The following GOLM1 variants were observed in gnomAD, a reference collection of about 807,000 sequenced individuals.
The protein encoded by GOLM1 is epididymis luminal protein 46.
In GOLM1, 31 loss-of-function variants were observed where a neutral mutation model predicts 50.5. That is an observed-to-expected ratio of 0.61 (90% CI 0.46 to 0.83). The LOEUF (loss-of-function observed/expected upper bound fraction) is 0.83. GOLM1 is among the 40% of genes least tolerant of loss of function. GOLM1 has a pLI of 0.00. For synonymous variants in GOLM1, 178 were observed against 192.8 expected (o/e 0.92, Z 0.64); for missense variants, 491 against 501.3 (o/e 0.98, Z 0.20).
chr9:86,062,048 G>C (rs1220450956), intron 3 of GOLM1, among the ~76,000 whole-genome samples: 1 of 151,800 alleles, frequency 6.6e-6, no homozygotes, highest in Non-Finnish European at 1.5e-5. Flanking sequence ...ATCTATCCAG[G>C]AAAACACGTA....
At chr9:86,049,571 T>C (rs1402611342) in intron 4 of GOLM1, among the ~76,000 whole-genome samples, 3 of 152,332 alleles carry the variant, frequency 2.0e-5, no homozygotes, top group Middle Eastern at 3.4e-3. Context: ...TAGTTCTCCT[T>C]GAAGAGGTCC....
Position 86,077,517 on chromosome 9 carries a change from G to A in GOLM1, c.204C>T (p.Asn68=), listed in dbSNP as rs1310395553. 6.8e-6 allele frequency: 11 copies of A among 1,613,080 alleles called. No individual in the cohort carries two copies. The highest frequency in any genetic ancestry group is 3.3e-5 in the Admixed American group (2 of 59,990). ...AERGAVELKK[N]EFQGELEKQR... ...GCTTCTCCAGCTCTCCCTGGAACTC[G>A]TTCTTCTTCAGCTCCACGGCGCCTC... The change falls in exon 3 of 10, where the codon AAC becomes AAT. Residue 68 remains asparagine, a synonymous_variant. Transcript: ENST00000388712.
chr9:86,033,857 T>C (rs1833055238), intron 8 of GOLM1, among the ~76,000 whole-genome samples: 1 of 152,076 alleles, frequency 6.6e-6, no homozygotes, highest in South Asian at 2.1e-4. Context: ...TATTCTTCCC[T>C]GGAGTGGGCA....
At chr9:86,048,641 T>C (rs1408727151) in intron 4 of GOLM1, among the ~76,000 whole-genome samples, 1 of 152,254 alleles carries the variant, frequency 6.6e-6, no homozygotes, top group African/African-American at 2.4e-5. Flanking sequence ...ATGAGCATTT[T>C]TTCATGTGTC....
At chr9:86,046,777 A>G (rs1833559480) in intron 4 of GOLM1, among the ~76,000 whole-genome samples, 1 of 152,230 alleles carries the variant, frequency 6.6e-6, no homozygotes, top group Admixed American at 6.5e-5. Flanking sequence ...CTGCAAGAGC[A>G]GCAAGCCGAA....
chr9:86,026,532 C>T lies in GOLM1; in HGVS notation c.*1285G>A. 2.2e-6 allele frequency: 2 copies of T among 893,478 alleles called. No individual in the cohort carries two copies. Among genetic ancestry groups the T allele is most frequent in the Non-Finnish European group, 2.7e-6 (2 of 746,046 alleles). The allele number at this position is 893,478 out of a possible 1,614,324, so 55.3% of individuals were successfully genotyped here. A position where few individuals can be genotyped will look rare whatever the true frequency, so the allele number is the denominator to read the frequency against. On this transcript the variant is annotated 3_prime_UTR_variant, in exon 10 of 10. Coordinates refer to ENST00000388712, the MANE Select transcript of GOLM1 (RefSeq NM_016548.4). ...TGTAACTTCTAGGCCCCATTTTCCC[C>T]TCTGAAAATAAGAGGGTTGGATCAA...
At chr9:86,088,681 G>C (rs548409855) in intron 1 of GOLM1, among the ~76,000 whole-genome samples, 1 of 149,684 alleles carries the variant, frequency 6.7e-6, no homozygotes, top group African/African-American at 2.5e-5. Flanking sequence ...TGGGTCTCCT[G>C]AATACAGCAT....
intron 3 of GOLM1, among the ~76,000 whole-genome samples, chr9:86,063,291 T>C (rs1834213654): frequency 6.6e-6 from 1 of 152,234 alleles, no homozygotes; most frequent in South Asian, 2.1e-4. Context: ...GGCCTGGGGC[T>C]GCAGACTCCC....
At chr9:86,056,862 G>A (rs574098237) in intron 3 of GOLM1, among the ~76,000 whole-genome samples, 156 of 152,142 alleles carry the variant, frequency 1.0e-3, no homozygotes, top group South Asian at 1.2e-3. Flanking sequence ...GTGCAGTGGC[G>A]CTATCATAGC....
At chr9:86,053,613 A>T (rs1587712486) in intron 3 of GOLM1, among the ~76,000 whole-genome samples, 9 of 8,270 alleles carry the variant, frequency 1.1e-3, no homozygotes, top group Admixed American at 3.1e-3. Flanking sequence ...CACATCACAC[A>T]CCACACCAAA....
At chr9:86,033,824 G>C (rs969504184) in intron 8 of GOLM1, among the ~76,000 whole-genome samples, 4 of 152,170 alleles carry the variant, frequency 2.6e-5, no homozygotes, top group South Asian at 2.1e-4. Flanking sequence ...CTCATACTTA[G>C]AGCATGAGAG....
intron 3 of GOLM1, among the ~76,000 whole-genome samples, chr9:86,059,603 A>G (rs1004608114): frequency 1.3e-5 from 2 of 152,130 alleles, no homozygotes; most frequent in African/African-American, 4.8e-5. Flanking sequence ...TGGGGTGATA[A>G]AAATGTTCTG....
chr9:86,079,593 C>T (rs1834727757), intron 1 of GOLM1: 3 of 336,524 alleles, frequency 8.9e-6, no homozygotes, highest in African/African-American at 2.1e-5. Context: ...CGCCCCGAAA[C>T]CTGCCACAGA....
chr9:86,039,762 G>A (rs191279439), intron 6 of GOLM1, among the ~76,000 whole-genome samples: 99 of 152,188 alleles, frequency 6.5e-4, no homozygotes, highest in Non-Finnish European at 7.6e-4. Context: ...GAGGTCAGCC[G>A]TTCAAGACCA....
intron 4 of GOLM1, among the ~76,000 whole-genome samples, chr9:86,048,663 T>C (rs141424065): frequency 0.013 from 2,011 of 152,348 alleles, 40 homozygotes; most frequent in African/African-American, 0.045. Context: ...GTTGGCTGCA[T>C]AAACATCTTC....
intron 8 of GOLM1, 57 bp downstream of exon 8, chr9:86,035,311 T>C: frequency 6.3e-7 from 1 of 1,584,666 alleles, no homozygotes. Flanking sequence ...GACATGGAGG[T>C]GGGCTGGGTG....
At chr9:86,046,435 C>T (rs1406775417) in intron 5 of GOLM1, 35 bp downstream of exon 5, 1 of 1,276,834 alleles carries the variant, frequency 7.8e-7, no homozygotes, top group South Asian at 1.2e-5. Context: ...TGCCGTGCAC[C>T]CTGCACTGTG....
chr9:86,053,282 ACCAT>A (rs1833835159), intron 3 of GOLM1, among the ~76,000 whole-genome samples: 1 of 132,516 alleles, frequency 7.5e-6, no homozygotes, highest in Non-Finnish European at 1.6e-5. Context: ...CACACCACAC[ACCAT>A]TCCACACCAC....
chr9:86,039,074 TAG>T (rs1010624931), intron 6 of GOLM1, among the ~76,000 whole-genome samples: 3 of 152,156 alleles, frequency 2.0e-5, no homozygotes, highest in Admixed American at 6.6e-5. Context: ...TTTAATAAAA[TAG>T]ATTTTAAAAA....
Sources: gnomAD v4.1 joint callset for allele counts (sites outside exome capture counted in the v4.1 genomes callset) on GRCh38, gnomAD v4.1.1 for gene constraint, MANE v1.5 for transcripts, NCBI Gene and HGNC (gene_info 2026-07-23, HGNC 2026-07-21) for gene names.